Variants in HMGCLL1 observed in about 807,000 individuals in gnomAD.
HMGCLL1 encodes the protein 3-hydroxy-3-methylglutaryl-CoA lyase like 1.
Under a neutral mutation model 39.1 loss-of-function variants are expected in HMGCLL1, and 36 were observed. The observed-to-expected ratio is 0.92, with a 90% confidence interval of 0.71 to 1.22. The LOEUF is 1.22. Ranked by LOEUF, HMGCLL1 falls within the 50% of genes most tolerant of loss-of-function variation. The pLI, the probability that HMGCLL1 is intolerant of heterozygous loss-of-function variation, is 0.00. For synonymous variants in HMGCLL1, 149 were observed against 144.0 expected (o/e 1.03, Z -0.25); for missense variants, 451 against 416.5 (o/e 1.08, Z -0.72).
At chr6:55,494,247 T>C (rs1766467477) in intron 7 of HMGCLL1, among the ~76,000 whole-genome samples, 1 of 152,154 alleles carries the variant, frequency 6.6e-6, no homozygotes, top group Non-Finnish European at 1.5e-5. Context: ...CATTCTATAA[T>C]AAATATGCTA....
the HMGCLL1 span, among the ~76,000 whole-genome samples, chr6:55,650,057 T>TTATATA: frequency 9.5e-3 from 722 of 75,900 alleles, 14 homozygotes; most frequent in South Asian, 0.015. Context: ...GTCTGAAAGG[T>TTATATA]TATATATATA....
chr6:55,468,705 A>G (rs542821671), intron 7 of HMGCLL1, among the ~76,000 whole-genome samples: 1 of 152,136 alleles, frequency 6.6e-6, no homozygotes, highest in African/African-American at 2.4e-5. Context: ...GCATAGAAAA[A>G]TTAAGTAATT....
the HMGCLL1 span, among the ~76,000 whole-genome samples, chr6:55,587,513 A>G: frequency 6.6e-6 from 1 of 152,148 alleles, no homozygotes; most frequent in African/African-American, 2.4e-5. Context: ...CAAAATAACC[A>G]GCTTACATCA....
chr6:55,500,296 G>T (rs1766808881), intron 5 of HMGCLL1, among the ~76,000 whole-genome samples: 1 of 151,978 alleles, frequency 6.6e-6, no homozygotes, highest in Admixed American at 6.6e-5. Flanking sequence ...GGCAAGATCA[G>T]ATTTGTTTCC....
At chr6:55,590,745 A>G in the HMGCLL1 span, among the ~76,000 whole-genome samples, 1 of 151,992 alleles carries the variant, frequency 6.6e-6, no homozygotes, top group African/African-American at 2.4e-5. Context: ...ATAAGCACAT[A>G]AATTTTAACA....
At chr6:55,670,380 A>C in the HMGCLL1 span, among the ~76,000 whole-genome samples, 5 of 151,884 alleles carry the variant, frequency 3.3e-5, no homozygotes, top group African/African-American at 4.8e-5. Context: ...ACAAAACAGA[A>C]ATTATACCAG....
At chr6:55,606,891 T>C in the HMGCLL1 span, among the ~76,000 whole-genome samples, 1 of 151,788 alleles carries the variant, frequency 6.6e-6, no homozygotes, top group Non-Finnish European at 1.5e-5. Context: ...TAAGGAGATA[T>C]CACAGTGAAA....
the HMGCLL1 span, among the ~76,000 whole-genome samples, chr6:55,620,825 T>G: frequency 8.5e-5 from 13 of 152,310 alleles, 1 homozygote; most frequent in African/African-American, 3.1e-4. Flanking sequence ...AAGTCTAGTT[T>G]TATTCTTCTC....
chr6:55,646,977 G>A, the HMGCLL1 span, among the ~76,000 whole-genome samples: 1 of 151,962 alleles, frequency 6.6e-6, no homozygotes, highest in African/African-American at 2.4e-5. Context: ...AATGCTGAAA[G>A]TAGGGTGCTG....
At chr6:55,671,089 CTA>C in the HMGCLL1 span, among the ~76,000 whole-genome samples, 11 of 151,784 alleles carry the variant, frequency 7.2e-5, no homozygotes, top group African/African-American at 2.7e-4. Context: ...GTATTCACTT[CTA>C]ATAAGTGAAA....
At chr6:55,617,429 A>G in the HMGCLL1 span, among the ~76,000 whole-genome samples, 1 of 152,104 alleles carries the variant, frequency 6.6e-6, no homozygotes, top group Non-Finnish European at 1.5e-5. Context: ...ACCATGCTAA[A>G]TGAAACCAAC....
At chr6:55,552,797 CA>C (rs1329196031) in intron 1 of HMGCLL1, among the ~76,000 whole-genome samples, 1 of 151,864 alleles carries the variant, frequency 6.6e-6, no homozygotes, top group East Asian at 1.9e-4. Context: ...GTTTATTTAG[CA>C]GCTGTGTTTC....
At chr6:55,501,231 T>C (rs1041560004) in intron 5 of HMGCLL1, among the ~76,000 whole-genome samples, 2 of 151,926 alleles carry the variant, frequency 1.3e-5, no homozygotes, top group African/African-American at 4.8e-5. Flanking sequence ...CTATGTTCCC[T>C]TAACTGTATA....
chr6:55,472,050 TACTG>T (rs1168755799), intron 7 of HMGCLL1, among the ~76,000 whole-genome samples: 4 of 151,750 alleles, frequency 2.6e-5, no homozygotes, highest in Admixed American at 2.0e-4. Context: ...CAAATTTTAT[TACTG>T]ATATGTATTT....
intron 3 of HMGCLL1, among the ~76,000 whole-genome samples, chr6:55,540,348 G>A (rs1397832448): frequency 2.6e-5 from 4 of 152,078 alleles, no homozygotes; most frequent in African/African-American, 9.7e-5. Context: ...ATCCTAACCT[G>A]TAATGTGATA....
At position 55,442,121 on chromosome 6, in the gene HMGCLL1, G is replaced by T. The variant is rs1763624469; in HGVS notation, c.796-2562C>A. On this transcript the variant is annotated intron_variant, in intron 7 of 8. Coordinates refer to ENST00000274901, the MANE Select transcript of HMGCLL1 (RefSeq NM_001042406.2). ...ATATCAATATAAATTATGACGGCTG[G>T]TATTAACTTTTCTTGTCTGGCTGAG... 2.6e-5 allele frequency among the ~76,000 whole-genome samples: 4 copies of T among 152,182 alleles called. No individual in the cohort carries two copies. In the South Asian group the frequency reaches 8.3e-4, roughly 32 times the overall value.
chr6:55,678,591 TC>T, the HMGCLL1 span, among the ~76,000 whole-genome samples: 1 of 152,078 alleles, frequency 6.6e-6, no homozygotes, highest in East Asian at 1.9e-4. Flanking sequence ...GGACTGTTTT[TC>T]TTTGTGATGT....
intron 1 of HMGCLL1, among the ~76,000 whole-genome samples, chr6:55,568,324 A>G (rs990586313): frequency 6.6e-6 from 1 of 152,188 alleles, no homozygotes; most frequent in Non-Finnish European, 1.5e-5. Context: ...TTGTTGAATG[A>G]TAATGAATGA....
chr6:55,534,750 A>G (rs566551536), intron 3 of HMGCLL1, among the ~76,000 whole-genome samples: 1 of 152,324 alleles, frequency 6.6e-6, no homozygotes, highest in African/African-American at 2.4e-5. Flanking sequence ...CAAATACCAT[A>G]AGCAAAAACA....
Sources: allele counts gnomAD v4.1 joint callset (sites outside exome capture counted in the v4.1 genomes callset), GRCh38; gene constraint gnomAD v4.1.1; transcripts MANE v1.5; gene names NCBI Gene and HGNC (gene_info 2026-07-23, HGNC 2026-07-21).